HMCN1: variants seen among roughly 807,000 people sequenced by gnomAD.
HMCN1 encodes the protein hemicentin-1.
In HMCN1, 321 loss-of-function variants were observed where a neutral mutation model predicts 625.9. That is an observed-to-expected ratio of 0.51 (90% CI 0.47 to 0.56). The LOEUF is 0.56. Ranked by LOEUF, HMCN1 falls within the 20% of genes least tolerant of loss-of-function variation. The pLI is 0.00. For missense variants in HMCN1, 6,588 were observed against 6,887.3 expected (o/e 0.96, Z 1.54); for synonymous variants, 2,425 against 2,417.6 (o/e 1.00, Z -0.09).
Position 186,067,986 on chromosome 1 carries a change from C to G in HMCN1, c.7858C>G (p.Arg2620Gly). The part of the protein sequence containing the change: ...FKDGTPLESN[R>G]NIRILPGGRT... Reference sequence around the variant, plus strand: ...GGATGGCACTCCTTTAGAATCTAACCGAAATATTCGTATTCTTCCAGGTAA... The same window carrying G: ...GGATGGCACTCCTTTAGAATCTAACGGAAATATTCGTATTCTTCCAGGTAA... Residue 2620 changes from arginine (R) to glycine (G), a missense_variant, in exon 50 of 107, where the codon CGA becomes GGA. Coordinates refer to ENST00000271588, the MANE Select transcript of HMCN1 (RefSeq NM_031935.3). 1 of 1,613,432 alleles carries G rather than the reference C, an allele frequency of 6.2e-7. No homozygotes were observed. Among genetic ancestry groups the G allele is most frequent in the African/African-American group, 1.3e-5 (1 of 74,994 alleles).
intron 69 of HMCN1, among the ~76,000 whole-genome samples, chr1:186,104,587 C>T (rs1253906974): frequency 6.6e-6 from 1 of 152,172 alleles, no homozygotes; most frequent in African/African-American, 2.4e-5. Context: ...CCCACCCATT[C>T]CCCTCATGGC....
intron 1 of HMCN1, among the ~76,000 whole-genome samples, chr1:185,767,398 A>C (rs1450145358): frequency 3.3e-5 from 5 of 152,180 alleles, no homozygotes. Context: ...TCAGCTTTCC[A>C]TTTTACTTAT....
intron 10 of HMCN1, among the ~76,000 whole-genome samples, chr1:185,929,266 A>G (rs1667426759): frequency 6.6e-6 from 1 of 152,172 alleles, no homozygotes; most frequent in Non-Finnish European, 1.5e-5. Context: ...CTCAGTGGCT[A>G]CAATATTCGC....
At chr1:185,988,025 G>A (rs180968494) in intron 20 of HMCN1, among the ~76,000 whole-genome samples, 7 of 152,232 alleles carry the variant, frequency 4.6e-5, no homozygotes, top group Non-Finnish European at 7.4e-5. Flanking sequence ...AAAAGTTCCC[G>A]GCACACAGGT....
chr1:185,859,495 G>A lies in HMCN1; in HGVS notation c.340-4975G>A, dbSNP rs75615352. ...TGATATGTTATCAATATAAAAATTA[G>A]CACTGCTTTAGTTTTTTAATTTAAA... On this transcript the variant is annotated intron_variant, in intron 2 of 106. Transcript: ENST00000271588. Among the ~76,000 whole-genome samples, 1,174 of 151,950 alleles carry A rather than the reference G, an allele frequency of 7.7e-3. 12 individuals carry two copies. The highest frequency in any genetic ancestry group is 0.027 in the African/African-American group (1,131 of 41,444).
At chr1:186,152,547 A>G (rs1650740508) in intron 95 of HMCN1, among the ~76,000 whole-genome samples, 1 of 152,236 alleles carries the variant, frequency 6.6e-6, no homozygotes, top group Non-Finnish European at 1.5e-5. Flanking sequence ...TTTGCTACAT[A>G]AAAAGAAATG....
At chr1:185,977,530 A>C (rs1394896143) in intron 15 of HMCN1, among the ~76,000 whole-genome samples, 1 of 152,134 alleles carries the variant, frequency 6.6e-6, no homozygotes, top group African/African-American at 2.4e-5. Context: ...AGGTTATTAT[A>C]ATTTGAAGTC....
rs370663201 is a variant in HMCN1 at position 185,909,326 on chromosome 1, C to A, written c.622-11C>A. ...TCTGATATCACTTACACTTCTCTTT[C>A]TCTCTTATAGGTATTAAAATGGGTA... is the stretch of plus-strand genomic sequence containing the variant. On this transcript the variant is annotated splice_polypyrimidine_tract_variant and intron_variant, in intron 4 of 106. Coordinates refer to ENST00000271588, the MANE Select transcript of HMCN1 (RefSeq NM_031935.3). 3.5e-5 allele frequency: 56 copies of A among 1,602,620 alleles called. 2 individuals carry two copies. The South Asian group carries it at 6.2e-4, about 18-fold the overall frequency.
At chr1:185,872,789 C>T (rs1480061222) in intron 4 of HMCN1, among the ~76,000 whole-genome samples, 1 of 152,116 alleles carries the variant, frequency 6.6e-6, no homozygotes, top group Non-Finnish European at 1.5e-5. Flanking sequence ...TTATAAACTG[C>T]AGCAATAGAT....
chr1:185,872,196 C>T (rs1408132817), intron 4 of HMCN1, among the ~76,000 whole-genome samples: 8 of 152,068 alleles, frequency 5.3e-5, no homozygotes, highest in African/African-American at 1.9e-4. Flanking sequence ...TCCACATCCA[C>T]AAACACAACA....
intron 4 of HMCN1, among the ~76,000 whole-genome samples, chr1:185,892,899 C>G (rs1180206106): frequency 6.6e-6 from 1 of 152,178 alleles, no homozygotes; most frequent in Non-Finnish European, 1.5e-5. Flanking sequence ...GGCGGGCGCC[C>G]CTCCCCCAGC....
At position 186,128,331 on chromosome 1, in the gene HMCN1, A is replaced by G. The variant is rs757590162; in HGVS notation, c.12904+40A>G. The G allele has an allele frequency of 1.1e-5, 16 of 1,486,180 alleles. No homozygotes were observed. In the South Asian group the frequency reaches 1.6e-4, roughly 15 times the overall value. The allele number at this position is 1,486,180 out of a possible 1,614,324, so 92.1% of individuals were successfully genotyped here. On this transcript the variant is annotated intron_variant, in intron 83 of 106. Transcript: ENST00000271588. Reference sequence around the variant, plus strand: ...TCTCAAGAAGTGAATAAATACACCTATGTAGAACTCTAGACGAAGCTCTGT... The same window carrying G: ...TCTCAAGAAGTGAATAAATACACCTGTGTAGAACTCTAGACGAAGCTCTGT...
intron 86 of HMCN1, among the ~76,000 whole-genome samples, chr1:186,135,293 C>T (rs1571401336): frequency 1.3e-5 from 2 of 152,236 alleles, no homozygotes; most frequent in East Asian, 3.9e-4. Flanking sequence ...TACCAGAATA[C>T]CATTTTTATC....
intron 1 of HMCN1, among the ~76,000 whole-genome samples, chr1:185,828,099 G>T (rs1660634385): frequency 6.6e-6 from 1 of 152,162 alleles, no homozygotes; most frequent in Admixed American, 6.5e-5. Flanking sequence ...AGTTAAGCAA[G>T]AGGTGTCTAA....
At chr1:185,922,846 A>AT (rs1224662419) in intron 7 of HMCN1, among the ~76,000 whole-genome samples, 3 of 152,112 alleles carry the variant, frequency 2.0e-5, no homozygotes, top group Admixed American at 6.6e-5. Flanking sequence ...AGATCTTGAG[A>AT]TTTTTTTCCT....
intron 2 of HMCN1, among the ~76,000 whole-genome samples, chr1:185,860,619 C>G (rs1376859230): frequency 6.6e-6 from 1 of 152,086 alleles, no homozygotes; most frequent in Admixed American, 6.6e-5. Context: ...TTAAAATGTT[C>G]TCTTTTTACT....
chr1:186,185,282 A>G (rs570850822), intron 105 of HMCN1, among the ~76,000 whole-genome samples: 2 of 152,326 alleles, frequency 1.3e-5, no homozygotes, highest in South Asian at 4.1e-4. Context: ...TGAAAATAAG[A>G]TAAAATGTGG....
At chr1:186,103,046 T>C (rs1046745673) in intron 68 of HMCN1, among the ~76,000 whole-genome samples, 2 of 152,188 alleles carry the variant, frequency 1.3e-5, no homozygotes, top group African/African-American at 4.8e-5. Flanking sequence ...GAAAAGATGA[T>C]AGCAAAATTC....
Position 185,984,197 on chromosome 1 carries a change from G to T in HMCN1, c.2819G>T (p.Arg940Leu). 1 of 1,610,802 alleles carries T rather than the reference G, an allele frequency of 6.2e-7. No individual in the cohort carries two copies. Among genetic ancestry groups the T allele is most frequent in the Admixed American group, 1.7e-5 (1 of 59,958 alleles). The change falls in exon 19 of 107, where the codon CGC becomes CTC. Residue 940 changes from arginine to leucine, a missense_variant. Coordinates refer to ENST00000271588, the MANE Select transcript of HMCN1 (RefSeq NM_031935.3). ...CTCCAAAATCCTTACATCACTGTGC[G>T]CAGTGATGGGAGCCTCCATATTGAA... ...MLLQNPYITV[R>L]SDGSLHIERV...
Sources: allele counts gnomAD v4.1 joint callset (sites outside exome capture counted in the v4.1 genomes callset), GRCh38; gene constraint gnomAD v4.1.1; transcripts MANE v1.5; gene names NCBI Gene and HGNC (gene_info 2026-07-23, HGNC 2026-07-21).